ZNF217: variants seen among roughly 807,000 people sequenced by gnomAD.
The protein encoded by ZNF217 is zinc finger protein 217.
In ZNF217, 12 loss-of-function variants were observed where a neutral mutation model predicts 73.3. The observed-to-expected ratio is 0.16, with a 90% CI of 0.10 to 0.27. The LOEUF (loss-of-function observed/expected upper bound fraction) is 0.27, where lower values mean the gene tolerates loss of function less well. Among genes scored for constraint, ZNF217 ranks in the 10% least tolerant of loss-of-function variants. The pLI, the probability that ZNF217 is intolerant of heterozygous loss-of-function variation, is 1.00. For missense variants in ZNF217, 1,195 were observed against 1,327.8 expected, an observed-to-expected ratio of 0.90 and a Z score of 1.55; for synonymous variants, 588 against 516.4, an observed-to-expected ratio of 1.14 and a Z score of -1.88.
chr20:53,580,282 G>A (rs573692951), intron 2 of ZNF217, among the ~76,000 whole-genome samples: 185 of 152,160 alleles, frequency 1.2e-3, no homozygotes, highest in Non-Finnish European at 1.9e-3. Context: ...CAAATTCATC[G>A]TGGGTCTCAT....
At chr20:53,580,954 A>G (rs997485735) in intron 2 of ZNF217, among the ~76,000 whole-genome samples, 5 of 152,202 alleles carry the variant, frequency 3.3e-5, no homozygotes, top group African/African-American at 1.2e-4. Flanking sequence ...AACTATTGAC[A>G]TTTGGGACCA....
chr20:53,592,618 G>A (rs1217875218), intron 1 of ZNF217, among the ~76,000 whole-genome samples: 1 of 136,174 alleles, frequency 7.3e-6, no homozygotes, highest in Admixed American at 8.3e-5. Context: ...TCAAACTCCC[G>A]GGACCCAGGT....
chr20:53,573,706 G>A (rs1337043246), intron 4 of ZNF217, among the ~76,000 whole-genome samples: 3 of 152,040 alleles, frequency 2.0e-5, no homozygotes, highest in Non-Finnish European at 2.9e-5. Context: ...CGAGCTGCCC[G>A]CTTCAGCCTC....
upstream of ZNF217, chr20:53,597,568 CA>C (rs1989062097): frequency 6.7e-6 from 1 of 150,372 alleles, no homozygotes; most frequent in Admixed American, 6.6e-5. Context: ...TAAAGTATCA[CA>C]ATAATATACT....
chr20:53,583,370 T>C (rs1356468535), intron 1 of ZNF217, among the ~76,000 whole-genome samples: 5 of 152,224 alleles, frequency 3.3e-5, no homozygotes, highest in Non-Finnish European at 7.3e-5. Context: ...ACTTATTAAA[T>C]CAGAATTTCA....
At chr20:53,584,637 C>A (rs1423939323) in intron 1 of ZNF217, among the ~76,000 whole-genome samples, 2 of 152,150 alleles carry the variant, frequency 1.3e-5, no homozygotes, top group East Asian at 3.8e-4. Flanking sequence ...GTTGTCACTG[C>A]CACATACCAC....
chr20:53,584,322 C>T (rs1988613801), intron 1 of ZNF217, among the ~76,000 whole-genome samples: 1 of 152,224 alleles, frequency 6.6e-6, no homozygotes, highest in South Asian at 2.1e-4. Context: ...TCCTCCCTCT[C>T]TCTACTTCCT....
chr20:53,576,516 T>C lies in ZNF217; in HGVS notation c.2248A>G (p.Arg750Gly), dbSNP rs781552228. 1.9e-6 allele frequency: 3 copies of C among 1,614,270 alleles called. No individual in the cohort carries two copies. Among genetic ancestry groups the C allele is most frequent in the South Asian group, 1.1e-5 (1 of 91,092 alleles). Residue 750 changes from arginine (R) to glycine (G), a missense_variant, in exon 4 of 6, where the codon AGA becomes GGA. Transcript: ENST00000371471. ...GGCGGGCATCCGGTACGTCGACTTC[T>C]AAGCAAGGACTTGTTTCGACAGTTT... ...HKNCRNKSLL[R>G]SRRTGCPPAL...
At chr20:53,585,538 C>T (rs1325290480) in intron 1 of ZNF217, among the ~76,000 whole-genome samples, 2 of 152,114 alleles carry the variant, frequency 1.3e-5, no homozygotes, top group Non-Finnish European at 2.9e-5. Context: ...GCAAGTCTCC[C>T]CTCTCCGCCC....
At chr20:53,589,525 T>C (rs578138093) in intron 1 of ZNF217, among the ~76,000 whole-genome samples, 8 of 152,370 alleles carry the variant, frequency 5.3e-5, no homozygotes, top group African/African-American at 1.7e-4. Flanking sequence ...GCTTCCCCCC[T>C]ATTTATCTGG....
chr20:53,582,255 C>A lies in ZNF217; in HGVS notation c.572G>T (p.Gly191Val). The A allele has an allele frequency of 6.2e-7, 1 of 1,614,194 alleles. No homozygotes were observed. The highest frequency in any genetic ancestry group is 8.5e-7 in the Non-Finnish European group (1 of 1,180,042). ...GATCGTTGCTGGACTACTCTCCAAG[C>A]CTTGCTGCAGTTTGCTTCTGGCCCC... ...KSGARSKLQQ[G>V]LESSPATINE... The change falls in exon 2 of 6, where the codon GGC becomes GTC. Residue 191 changes from glycine (G) to valine (V), a missense_variant. Transcript: ENST00000371471. The surrounding 1 kb of genome is among the most constrained non-coding windows in gnomAD (Gnocchi z 4.8).
In ZNF217 at chr20:53,582,586, T is replaced by G. The variant is rs773741101; in HGVS notation, c.241A>C (p.Asn81His). 1 of 1,614,148 alleles carries G rather than the reference T, an allele frequency of 6.2e-7. No individual in the cohort carries two copies. The change falls in exon 2 of 6, where the codon AAT (asparagine) becomes CAT (histidine). Residue 81 changes from asparagine to histidine, a missense_variant. Around this residue, in one of 9 missense-constraint regions of ZNF217, gnomAD observed 147 missense variants for 184.3 expected, o/e 0.80. Coordinates refer to ENST00000371471, the MANE Select transcript of ZNF217 (RefSeq NM_006526.3). This position sits in a 1 kb window ranked among gnomAD's most constrained non-coding sequence, Gnocchi z 4.8. ...CGGTGTTGCATTAAGACATGTTTAT[T>G]AAGGTCTTCTGAATGTGTGAAGGTC... is the stretch of plus-strand genomic sequence containing the variant. ...SQTFTHSEDLNKHVLMQHRPT... is the reference protein window; with the variant it reads ...SQTFTHSEDLHKHVLMQHRPT...
intron 1 of ZNF217, among the ~76,000 whole-genome samples, chr20:53,588,663 T>C (rs116987603): frequency 2.0e-4 from 30 of 151,888 alleles, no homozygotes; most frequent in Non-Finnish European, 4.3e-4. Context: ...ACTAGACCAC[T>C]ACACCATACC....
chr20:53,579,985 T>C (rs1988425611), intron 2 of ZNF217, among the ~76,000 whole-genome samples: 1 of 152,218 alleles, frequency 6.6e-6, no homozygotes, highest in South Asian at 2.1e-4. Flanking sequence ...GGCCTTTTCA[T>C]TTCTTTCAGG....
rs35736239 is a variant in ZNF217, at chr20:53,576,109, G to C, written c.2655C>G (p.Pro885=). ...SSNINGSIDY[P]AKNDSPWAPP... is the part of the protein sequence containing the mutation. ...GTGCCCACGGGCTGTCGTTCTTGGC[G>C]GGGTAGTCGATGGAACCATTGATGT... Residue 885 remains proline (P), a synonymous_variant, in exon 4 of 6, where the codon CCC becomes CCG. Transcript: ENST00000371471. The C allele has an allele frequency of 2.3e-3, 3,659 of 1,614,192 alleles. 62 individuals are homozygous for C. In the African/African-American group the frequency reaches 0.039, roughly 17 times the overall value.
Position 53,578,319 on chromosome 20 carries a change from AT to A in ZNF217, c.1483+14del, listed in dbSNP as rs1988360611. The A allele has an allele frequency of 6.5e-7, 1 of 1,532,672 alleles. No homozygotes were observed. The highest frequency in any genetic ancestry group is 1.4e-5 in the African/African-American group (1 of 71,032). 94.9% of individuals were successfully genotyped at this position (1,532,672 alleles called of 1,614,324 possible). On this transcript the variant is annotated intron_variant, in intron 3 of 5. Transcript: ENST00000371471. ...ATTTAACTAATGCATGGTTAAAAAA[AT>A]AAAAGTTCTTTACCTGTATGCGTTC...
At chr20:53,597,177 G>A (rs1326366757), upstream of ZNF217, among the ~76,000 whole-genome samples, 1 of 151,098 alleles carries the variant, frequency 6.6e-6, no homozygotes, top group Non-Finnish European at 1.5e-5. Flanking sequence ...TTAATTAGAA[G>A]AACAGAATGA....
At chr20:53,579,588 AG>A (rs1481190047) in intron 2 of ZNF217, among the ~76,000 whole-genome samples, 6 of 152,214 alleles carry the variant, frequency 3.9e-5, no homozygotes, top group African/African-American at 1.4e-4. Context: ...ACTATGTGTC[AG>A]GATTTATGGT....
chr20:53,595,652 A>G (rs561953856), upstream of ZNF217, among the ~76,000 whole-genome samples: 13 of 152,368 alleles, frequency 8.5e-5, no homozygotes, highest in South Asian at 1.9e-3. Flanking sequence ...CCAGCACTAA[A>G]AAACTAAATT....
Sources: gnomAD v4.1 joint callset for allele counts (sites outside exome capture counted in the v4.1 genomes callset) on GRCh38, gnomAD v4.1.1 for gene constraint, gnomAD v4.1.1 regional missense constraint, Gnocchi (gnomAD v3.1) non-coding constraint, MANE v1.5 for transcripts, NCBI Gene and HGNC (gene_info 2026-07-23, HGNC 2026-07-21) for gene names.